SLC2A13: variants seen among roughly 807,000 people sequenced by gnomAD.
SLC2A13 encodes solute carrier family 2 member 13.
SLC2A13 carries 32 observed loss-of-function variants against 64.4 expected under a neutral mutation model. That is an observed-to-expected ratio of 0.50 (90% CI 0.37 to 0.67). The LOEUF is 0.67. Ranked by LOEUF, SLC2A13 falls within the 30% of genes least tolerant of loss-of-function variation. The pLI is 0.00. For synonymous variants in SLC2A13, 338 were observed against 327.1 expected (o/e 1.03, Z -0.36); for missense variants, 743 against 829.2 (o/e 0.90, Z 1.28).
At chr12:39,968,150 G>T (rs1410292514) in intron 3 of SLC2A13, among the ~76,000 whole-genome samples, 1 of 152,160 alleles carries the variant, frequency 6.6e-6, no homozygotes, top group Non-Finnish European at 1.5e-5. Flanking sequence ...ATTCAGCATG[G>T]TTTGGGAGGC....
chr12:40,076,002 A>G (rs1005252021), intron 1 of SLC2A13, among the ~76,000 whole-genome samples: 3 of 152,150 alleles, frequency 2.0e-5, no homozygotes, highest in Admixed American at 2.0e-4. Context: ...ACAGTTACCA[A>G]AGCCAATTTA....
chr12:40,076,340 G>A (rs1236792848), intron 1 of SLC2A13, among the ~76,000 whole-genome samples: 1 of 152,040 alleles, frequency 6.6e-6, no homozygotes, highest in Non-Finnish European at 1.5e-5. Context: ...CCCAGTCAGG[G>A]TCTACTGTTC....
intron 4 of SLC2A13, among the ~76,000 whole-genome samples, chr12:39,881,273 C>T (rs1944329701): frequency 6.6e-6 from 1 of 151,786 alleles, no homozygotes; most frequent in African/African-American, 2.4e-5. Flanking sequence ...TCTTTCAGTT[C>T]TGGTTTACTT....
chr12:40,006,802 G>A (rs1452020921), intron 3 of SLC2A13, among the ~76,000 whole-genome samples: 1 of 152,172 alleles, frequency 6.6e-6, no homozygotes, highest in Non-Finnish European at 1.5e-5. Flanking sequence ...ATAAACCCAT[G>A]TCTACAGTGT....
intron 4 of SLC2A13, among the ~76,000 whole-genome samples, chr12:39,928,855 T>A (rs868653371): frequency 6.6e-6 from 1 of 152,302 alleles, no homozygotes; most frequent in East Asian, 1.9e-4. Context: ...TGACAGACTC[T>A]GGAAAGTCTT....
chr12:39,868,565 T>C (rs1158563936), intron 5 of SLC2A13, among the ~76,000 whole-genome samples: 1 of 152,174 alleles, frequency 6.6e-6, no homozygotes, highest in Non-Finnish European at 1.5e-5. Flanking sequence ...ATCCATGTTT[T>C]AAAATAAGTA....
At chr12:40,070,680 AT>A (rs1937920051) in intron 1 of SLC2A13, among the ~76,000 whole-genome samples, 1 of 152,142 alleles carries the variant, frequency 6.6e-6, no homozygotes, top group Non-Finnish European at 1.5e-5. Flanking sequence ...TTGAACAGCC[AT>A]TTTACATCTT....
Position 40,028,481 on chromosome 12 carries a change from C to T in SLC2A13, c.745G>A (p.Ala249Thr). Residue 249 changes from alanine to threonine, a missense_variant, in exon 3 of 10, where the codon GCG becomes ACG. This residue lies in a region of SLC2A13 where 448 missense variants were observed against 447.4 expected (regional missense o/e 1.00). Coordinates refer to ENST00000280871, the MANE Select transcript of SLC2A13 (RefSeq NM_052885.4). ...RYMLGLAAVP[A>T]VIQFFGFLFL... ...AGAAAGCCAAAAAACTGTATAACCG[C>T]CGGAACTGCTGCAAGTCCCAACATG... 1 of 1,613,892 alleles carries T rather than the reference C, an allele frequency of 6.2e-7. No individual in the cohort carries two copies. Among genetic ancestry groups the T allele is most frequent in the South Asian group, 1.1e-5 (1 of 91,070 alleles).
intron 6 of SLC2A13, among the ~76,000 whole-genome samples, chr12:39,849,711 T>C (rs1183892485): frequency 2.0e-5 from 3 of 152,210 alleles, no homozygotes; most frequent in Non-Finnish European, 4.4e-5. Context: ...GATTCATGTT[T>C]ATTTGAGTTT....
chr12:39,987,477 T>C (rs1165036966), intron 3 of SLC2A13, among the ~76,000 whole-genome samples: 1 of 152,094 alleles, frequency 6.6e-6, no homozygotes. Flanking sequence ...CTGACTCCCT[T>C]CCCCAAAATA....
At chr12:39,786,697 TAGAC>T (rs1941201270) in intron 7 of SLC2A13, among the ~76,000 whole-genome samples, 1 of 152,202 alleles carries the variant, frequency 6.6e-6, no homozygotes, top group African/African-American at 2.4e-5. Flanking sequence ...TGGGGGAACT[TAGAC>T]AGACAGTATT....
chr12:39,997,971 A>G (rs917204545), intron 3 of SLC2A13, among the ~76,000 whole-genome samples: 1 of 152,226 alleles, frequency 6.6e-6, no homozygotes, highest in African/African-American at 2.4e-5. Context: ...GAGATTCCTT[A>G]AAGAACTAAA....
intron 3 of SLC2A13, among the ~76,000 whole-genome samples, chr12:39,981,446 AAAAG>A (rs1450783726): frequency 6.6e-6 from 1 of 151,862 alleles, no homozygotes; most frequent in Non-Finnish European, 1.5e-5. Context: ...AATAAAGAAA[AAAAG>A]AGAGAAGAAT....
chr12:40,062,903 G>C (rs1003420365), intron 1 of SLC2A13, among the ~76,000 whole-genome samples: 23 of 152,138 alleles, frequency 1.5e-4, no homozygotes, highest in South Asian at 1.0e-3. Flanking sequence ...CACATTTTAA[G>C]TGACATTGAC....
At chr12:39,898,377 C>G (rs149711809) in intron 4 of SLC2A13, among the ~76,000 whole-genome samples, 1 of 152,230 alleles carries the variant, frequency 6.6e-6, no homozygotes, top group Non-Finnish European at 1.5e-5. Context: ...TGTTTAGGTT[C>G]TACAAATCTC....
chr12:39,830,533 T>A, intron 6 of SLC2A13: 1 of 1,045,386 alleles, frequency 9.6e-7, no homozygotes, highest in Non-Finnish European at 1.2e-6. Flanking sequence ...TTTGCTTTCC[T>A]AAACCACTGA....
At chr12:39,850,397 G>A (rs917841291) in intron 6 of SLC2A13, among the ~76,000 whole-genome samples, 13 of 152,062 alleles carry the variant, frequency 8.5e-5, no homozygotes, top group African/African-American at 1.9e-4. Flanking sequence ...CTGAGCCATG[G>A]CACTCATTGT....
At chr12:39,861,069 G>C (rs988562492) in intron 6 of SLC2A13, among the ~76,000 whole-genome samples, 1 of 152,128 alleles carries the variant, frequency 6.6e-6, no homozygotes, top group African/African-American at 2.4e-5. Context: ...TCAGTTCCTT[G>C]CACTTGCCAC....
intron 4 of SLC2A13, among the ~76,000 whole-genome samples, chr12:39,944,664 C>A (rs999289536): frequency 1.3e-5 from 2 of 152,208 alleles, no homozygotes; most frequent in Non-Finnish European, 2.9e-5. Context: ...ATAGCTACCC[C>A]CTGCTTGCTT....
Sources: allele counts gnomAD v4.1 joint callset (sites outside exome capture counted in the v4.1 genomes callset), GRCh38; gene constraint gnomAD v4.1.1; regional missense constraint gnomAD v4.1.1; transcripts MANE v1.5; gene names NCBI Gene and HGNC (gene_info 2026-07-23, HGNC 2026-07-21).